ST3GAL6: variants seen among roughly 807,000 people sequenced by gnomAD.
ST3GAL6 encodes type 2 lactosamine alpha-2,3-sialyltransferase.
Under a neutral mutation model 40.5 loss-of-function variants are expected in ST3GAL6, and 31 were observed. The ratio of observed to expected loss-of-function variants is 0.77; its 90% CI spans 0.58 to 1.03. The LOEUF is 1.03. Ranked by LOEUF, ST3GAL6 falls within the 50% of genes least tolerant of loss-of-function variation. ST3GAL6 has a pLI of 0.00. For synonymous variants in ST3GAL6, 129 were observed against 136.9 expected, an observed-to-expected ratio of 0.94 and a Z score of 0.40; for missense variants, 357 against 393.2, an observed-to-expected ratio of 0.91 and a Z score of 0.78.
chr3:98,778,511 T>C (rs922541246), intron 5 of ST3GAL6, among the ~76,000 whole-genome samples: 2 of 152,216 alleles, frequency 1.3e-5, no homozygotes, highest in Admixed American at 1.3e-4. Flanking sequence ...GTTGCGATTC[T>C]ACATCAACAG....
intron 1 of ST3GAL6, among the ~76,000 whole-genome samples, chr3:98,736,285 T>C (rs1413779416): frequency 6.6e-6 from 1 of 152,244 alleles, no homozygotes; most frequent in Non-Finnish European, 1.5e-5. Flanking sequence ...CCTTCTTATA[T>C]GCTTAGCCTA....
intron 2 of ST3GAL6, among the ~76,000 whole-genome samples, chr3:98,769,473 A>G (rs1938732327): frequency 6.6e-6 from 1 of 152,228 alleles, no homozygotes; most frequent in South Asian, 2.1e-4. Flanking sequence ...CATCTTTGCC[A>G]CATTCTCTGT....
chr3:98,790,729 G>T (rs566807325), intron 8 of ST3GAL6, among the ~76,000 whole-genome samples: 1 of 152,208 alleles, frequency 6.6e-6, no homozygotes, highest in Non-Finnish European at 1.5e-5. Context: ...GGTAATATAG[G>T]TTCTGTGGGT....
chr3:98,769,273 G>A (rs1938709439), intron 2 of ST3GAL6, among the ~76,000 whole-genome samples: 2 of 152,162 alleles, frequency 1.3e-5, no homozygotes, highest in South Asian at 4.1e-4. Flanking sequence ...TTTCATTACT[G>A]GTTGATTGAA....
At chr3:98,749,121 T>C (rs1231294257) in intron 1 of ST3GAL6, among the ~76,000 whole-genome samples, 1 of 152,236 alleles carries the variant, frequency 6.6e-6, no homozygotes, top group Non-Finnish European at 1.5e-5. Context: ...AGAAATTCTT[T>C]ATTGAAGAAA....
chr3:98,734,575 C>T (rs926504693), intron 1 of ST3GAL6, among the ~76,000 whole-genome samples: 3 of 152,126 alleles, frequency 2.0e-5, no homozygotes, highest in Middle Eastern at 6.3e-3. Flanking sequence ...ATGTCTCAGT[C>T]CCAGATTGCA....
intron 1 of ST3GAL6, among the ~76,000 whole-genome samples, chr3:98,737,440 T>C (rs1015868312): frequency 6.6e-6 from 1 of 152,120 alleles, no homozygotes; most frequent in African/African-American, 2.4e-5. Context: ...TTTCTACTAA[T>C]TTACCATAAC....
At chr3:98,782,731 C>A in intron 5 of ST3GAL6, 1 of 491,170 alleles carries the variant, frequency 2.0e-6, no homozygotes. Flanking sequence ...ATGGCGTGTC[C>A]ATAGATCATG....
intron 1 of ST3GAL6, among the ~76,000 whole-genome samples, chr3:98,741,645 T>G (rs1936096465): frequency 6.6e-6 from 1 of 152,164 alleles, no homozygotes. Context: ...GGCCTATGGC[T>G]TATATATTTA....
chr3:98,733,322 C>A, intron 1 of ST3GAL6: 1 of 1,152,546 alleles, frequency 8.7e-7, no homozygotes, highest in Non-Finnish European at 1.1e-6. Context: ...CGGGTAAGCC[C>A]AGGAGCCGTG....
chr3:98,774,645 T>C (rs1438520858), intron 5 of ST3GAL6, among the ~76,000 whole-genome samples: 1 of 152,198 alleles, frequency 6.6e-6, no homozygotes, highest in East Asian at 1.9e-4. Context: ...TGTGATAATA[T>C]GGGTAGTCTA....
chr3:98,756,524 G>C, intron 1 of ST3GAL6: 1 of 1,268,196 alleles, frequency 7.9e-7, no homozygotes, highest in South Asian at 1.3e-5. Context: ...TTAGGACACA[G>C]ATTCTTAAAA....
chr3:98,739,942 A>G (rs1420756175), intron 1 of ST3GAL6, among the ~76,000 whole-genome samples: 1 of 152,214 alleles, frequency 6.6e-6, no homozygotes, highest in Non-Finnish European at 1.5e-5. Flanking sequence ...AGGTTGTGGT[A>G]ATTAAAGGAG....
chr3:98,767,901 G>A (rs1938532353), intron 1 of ST3GAL6, among the ~76,000 whole-genome samples: 1 of 152,138 alleles, frequency 6.6e-6, no homozygotes, highest in Admixed American at 6.5e-5. Flanking sequence ...AATTGAGGAT[G>A]AGGGAAATGT....
intron 9 of ST3GAL6, 47 bp from the exon 10 acceptor site, chr3:98,793,628 C>A: frequency 7.6e-7 from 1 of 1,315,454 alleles, no homozygotes; most frequent in Non-Finnish European, 1.0e-6. Flanking sequence ...GCTGCTAATA[C>A]TTTGAGATTG....
chr3:98,787,319 G>A (rs754181311), intron 6 of ST3GAL6, among the ~76,000 whole-genome samples: 9 of 152,128 alleles, frequency 5.9e-5, no homozygotes, highest in African/African-American at 1.7e-4. Flanking sequence ...CTTATATTAC[G>A]TAGAGTCAGT....
chr3:98,758,661 T>C (rs1295544832), upstream of ST3GAL6, among the ~76,000 whole-genome samples: 1 of 152,210 alleles, frequency 6.6e-6, no homozygotes, highest in African/African-American at 2.4e-5. Context: ...GCAGCAATAA[T>C]AGCACAGTAA....
At chr3:98,764,543 A>G (rs957872460) in intron 1 of ST3GAL6, among the ~76,000 whole-genome samples, 1 of 152,240 alleles carries the variant, frequency 6.6e-6, no homozygotes, top group African/African-American at 2.4e-5. Context: ...AGAAATGTTC[A>G]GTAATGTTTA....
intron 1 of ST3GAL6, among the ~76,000 whole-genome samples, chr3:98,767,940 A>G (rs985906318): frequency 6.6e-6 from 1 of 152,206 alleles, no homozygotes; most frequent in Non-Finnish European, 1.5e-5. Context: ...CCTCAGTTAA[A>G]AATTAGAAAA....
Sources: gnomAD v4.1 joint callset for allele counts (sites outside exome capture counted in the v4.1 genomes callset) on GRCh38, gnomAD v4.1.1 for gene constraint, MANE v1.5 for transcripts, NCBI Gene and HGNC (gene_info 2026-07-23, HGNC 2026-07-21) for gene names.